The following MAGI3 variants were observed in gnomAD, a reference collection of about 807,000 sequenced individuals.
MAGI3 encodes the protein membrane associated guanylate kinase, WW and PDZ domain containing 3, also known as membrane-associated guanylate kinase, WW and PDZ domain-containing protein 3.
MAGI3 carries 43 observed loss-of-function variants against 121.8 expected under a neutral mutation model. That is an observed-to-expected ratio of 0.35 (90% CI 0.28 to 0.46). MAGI3 has a LOEUF of 0.46. MAGI3 is among the 20% of genes least tolerant of loss of function. The probability of loss-of-function intolerance (pLI) is 1.00; values close to 1 mark genes in which losing one functional copy is unlikely to be tolerated. For missense variants in MAGI3, 1,547 were observed against 1,797.3 expected, an observed-to-expected ratio of 0.86 and a Z score of 2.52; for synonymous variants, 553 against 639.3, an observed-to-expected ratio of 0.86 and a Z score of 2.04.
At chr1:113,452,458 ACAC>A (rs1654532255) in intron 1 of MAGI3, among the ~76,000 whole-genome samples, 3 of 54,740 alleles carry the variant, frequency 5.5e-5, no homozygotes, top group Non-Finnish European at 1.4e-4. Flanking sequence ...ATAGACATAC[ACAC>A]ACACACACAC....
chr1:113,436,906 C>A (rs1653594324), intron 1 of MAGI3, among the ~76,000 whole-genome samples: 1 of 151,318 alleles, frequency 6.6e-6, no homozygotes, highest in Non-Finnish European at 1.5e-5. Flanking sequence ...CCTCTGCCTC[C>A]CAGGTTCAGG....
intron 2 of MAGI3, among the ~76,000 whole-genome samples, chr1:113,568,998 C>A (rs1321136254): frequency 6.6e-6 from 1 of 152,024 alleles, no homozygotes; most frequent in Non-Finnish European, 1.5e-5. Flanking sequence ...GTGAAAAAAT[C>A]AGAATGTGAC....
At chr1:113,490,100 A>AAGGT (rs922740066) in intron 1 of MAGI3, among the ~76,000 whole-genome samples, 16 of 152,190 alleles carry the variant, frequency 1.1e-4, no homozygotes, top group Admixed American at 9.2e-4. Flanking sequence ...CAGATTCTCC[A>AAGGT]AGGTCAAAAT....
At chr1:113,618,176 AAT>A (rs1009651940) in intron 7 of MAGI3, among the ~76,000 whole-genome samples, 5 of 151,448 alleles carry the variant, frequency 3.3e-5, no homozygotes, top group East Asian at 1.9e-4. Context: ...AAAAAAAAAA[AAT>A]TTTTTTTAAT....
At chr1:113,398,646 A>G (rs1464298343) in intron 1 of MAGI3, among the ~76,000 whole-genome samples, 1 of 152,130 alleles carries the variant, frequency 6.6e-6, no homozygotes, top group East Asian at 1.9e-4. Context: ...GGATTTTACT[A>G]TACATAATGG....
intron 6 of MAGI3, among the ~76,000 whole-genome samples, chr1:113,607,304 C>T (rs1649834041): frequency 6.6e-6 from 1 of 152,102 alleles, no homozygotes. Flanking sequence ...ATACTCTAAC[C>T]AGAGTGCCTT....
At chr1:113,429,140 A>G (rs1653170335) in intron 1 of MAGI3, among the ~76,000 whole-genome samples, 3 of 152,316 alleles carry the variant, frequency 2.0e-5, no homozygotes, top group South Asian at 2.1e-4. Flanking sequence ...TGCCTCAGCT[A>G]TTGCTAATCA....
intron 1 of MAGI3, among the ~76,000 whole-genome samples, chr1:113,505,384 T>C (rs1236456994): frequency 6.6e-6 from 1 of 152,082 alleles, no homozygotes; most frequent in African/African-American, 2.4e-5. Flanking sequence ...CTAGCTCAAA[T>C]AAACACATAT....
intron 9 of MAGI3, among the ~76,000 whole-genome samples, chr1:113,629,757 T>TCTCTCTCTCTCTCCCTCTCC (rs1553209675): frequency 7.3e-5 from 7 of 95,760 alleles, no homozygotes; most frequent in African/African-American, 8.3e-5. Flanking sequence ...TCTCTCTCTC[T>TCTCTCTCTCTCTCCCTCTCC]CTCTCCCTCC....
At chr1:113,671,623 TA>T in intron 16 of MAGI3, 110 bp from the exon 17 acceptor site, 1 of 938,256 alleles carries the variant, frequency 1.1e-6, no homozygotes, top group South Asian at 1.6e-5. Context: ...CTAAAGCCAC[TA>T]AAGTCAGTAC....
At chr1:113,479,409 A>C (rs963572637) in intron 1 of MAGI3, among the ~76,000 whole-genome samples, 1 of 152,062 alleles carries the variant, frequency 6.6e-6, no homozygotes, top group Non-Finnish European at 1.5e-5. Flanking sequence ...TTCTTCCTGT[A>C]CTTTAAATAT....
Position 113,642,194 on chromosome 1 carries a change from G to A in MAGI3, c.1644G>A (p.Leu548=). ...LEQNGKSGHT[L]TGDGLNGPSD... ...AGAATGGAAAATCGGGACACACTTTGACTGGTGATGGTCTCAATGGACCAT... is the reference window on the plus strand; with the variant it reads ...AGAATGGAAAATCGGGACACACTTTAACTGGTGATGGTCTCAATGGACCAT... The change falls in exon 10 of 21, where the codon TTG becomes TTA. Residue 548 remains leucine, a synonymous_variant. Transcript: ENST00000307546. The A allele has an allele frequency of 6.2e-7, 1 of 1,614,176 alleles. No homozygotes were observed. Among genetic ancestry groups the A allele is most frequent in the Non-Finnish European group, 8.5e-7 (1 of 1,180,038 alleles).
chr1:113,553,877 C>T (rs4839327), intron 2 of MAGI3, among the ~76,000 whole-genome samples: 15,572 of 152,052 alleles, frequency 0.1, 1,017 homozygotes, highest in East Asian at 0.18. Flanking sequence ...GGCGTGGTGG[C>T]GGGTGCCTGT....
In MAGI3 at chr1:113,600,274, G is replaced by C. The variant is rs962641288; in HGVS notation, c.1018+5714G>C. On this transcript the variant is annotated intron_variant, in intron 6 of 20. Coordinates refer to ENST00000307546, the MANE Select transcript of MAGI3 (RefSeq NM_001142782.2). Reference sequence around the variant, plus strand: ...CGGTATTCAATTAGGAAAAGAGGAAGTCAAATTGTCCCTGTTTGCAGATGA... The same window carrying C: ...CGGTATTCAATTAGGAAAAGAGGAACTCAAATTGTCCCTGTTTGCAGATGA... Among the ~76,000 whole-genome samples the C allele has an allele frequency of 5.3e-5, 8 of 152,132 alleles. No individual in the cohort carries two copies. In the East Asian group the frequency reaches 5.8e-4, roughly 11 times the overall value.
intron 3 of MAGI3, among the ~76,000 whole-genome samples, chr1:113,581,714 C>T (rs1648039670): frequency 6.6e-6 from 1 of 152,110 alleles, no homozygotes. Flanking sequence ...TTTATCATGT[C>T]TCTCTCCTAT....
rs1040974671 is a variant in MAGI3, at chr1:113,598,908, G to T, written c.1018+4348G>T. Among the ~76,000 whole-genome samples the T allele has an allele frequency of 5.9e-5, 9 of 152,140 alleles. 1 individual carries two copies. ...AGCACATGGAACCTTCTGCAAAGTA[G>T]ACCATATGATAGGCCACAAAACAAG... On this transcript the variant is annotated intron_variant, in intron 6 of 20. Transcript: ENST00000307546.
intron 4 of MAGI3, 101 bp from the exon 5 acceptor site, chr1:113,590,383 A>G: frequency 7.0e-6 from 8 of 1,136,874 alleles, no homozygotes; most frequent in Non-Finnish European, 8.7e-6. Flanking sequence ...GAAATTTGCC[A>G]TATTTATGTA....
intron 4 of MAGI3, among the ~76,000 whole-genome samples, chr1:113,587,680 TA>T (rs1179214630): frequency 2.0e-5 from 3 of 152,186 alleles, no homozygotes; most frequent in African/African-American, 7.2e-5. Context: ...ACGTAATAAT[TA>T]TTTTTTTTCT....
intron 1 of MAGI3, among the ~76,000 whole-genome samples, chr1:113,462,244 G>A (rs1243739265): frequency 1.3e-5 from 2 of 152,034 alleles, no homozygotes; most frequent in East Asian, 3.9e-4. Flanking sequence ...TCATTCTACT[G>A]TAAAGACACA....
Sources: gnomAD v4.1 joint callset for allele counts (sites outside exome capture counted in the v4.1 genomes callset) on GRCh38, gnomAD v4.1.1 for gene constraint, MANE v1.5 for transcripts, NCBI Gene and HGNC (gene_info 2026-07-23, HGNC 2026-07-21) for gene names.